The following ZDHHC5 variants were observed in gnomAD, a reference collection of about 807,000 sequenced individuals.
The protein encoded by ZDHHC5 is palmitoyltransferase ZDHHC5.
In ZDHHC5, 22 loss-of-function variants were observed where a neutral mutation model predicts 70.0. The ratio of observed to expected loss-of-function variants is 0.31; its 90% CI spans 0.22 to 0.45. The LOEUF (loss-of-function observed/expected upper bound fraction) is 0.45, where lower values mean the gene tolerates loss of function less well. ZDHHC5 is among the 20% of genes least tolerant of loss of function. The pLI is 1.00. For missense variants in ZDHHC5, 746 were observed against 926.9 expected (o/e 0.80, Z 2.53); for synonymous variants, 313 against 347.8 (o/e 0.90, Z 1.11).
intron 3 of ZDHHC5, among the ~76,000 whole-genome samples, chr11:57,683,851 A>G (rs1269577305): frequency 6.6e-6 from 1 of 152,216 alleles, no homozygotes; most frequent in African/African-American, 2.4e-5. Flanking sequence ...GAGGAGAAAT[A>G]GAACAAAGTG....
chr11:57,691,348 T>TTTTATTTA (rs918733185), intron 6 of ZDHHC5, among the ~76,000 whole-genome samples: 1 of 151,946 alleles, frequency 6.6e-6, no homozygotes, highest in Admixed American at 6.6e-5. Context: ...CTAAAATATC[T>TTTTATTTA]TTTATTTATT....
chr11:57,690,501 GTGTGCAGTGT>G (rs1469039642), intron 6 of ZDHHC5, 64 bp downstream of exon 6: 129 of 1,543,648 alleles, frequency 8.4e-5, no homozygotes, highest in Non-Finnish European at 1.1e-4. Flanking sequence ...CTTCTGATTA[GTGTGCAGTGT>G]AGTGCTTCCA....
rs145781238 is a variant in ZDHHC5, at chr11:57,699,013, G to C, written c.1577G>C (p.Arg526Pro). 1.9e-6 allele frequency: 3 copies of C among 1,609,260 alleles called. No individual in the cohort carries two copies. The highest frequency in any genetic ancestry group is 1.7e-6 in the Non-Finnish European group (2 of 1,180,006). The change falls in exon 11 of 12, where the codon CGA (arginine) becomes CCA (proline). Residue 526 changes from arginine to proline, a missense_variant. Arg to Pro is a moderately radical substitution (Grantham distance 103). This residue lies in a region of ZDHHC5 where 340 missense variants were observed against 350.1 expected (regional missense o/e 0.97). Transcript: ENST00000287169. ...PRLVPTGPTH[R>P]EPSPVRYDNL... ...TTGGTGCCAACTGGCCCAACACACCGAGAGCCCTCACCAGTCCGTTACGAC... is the reference window on the plus strand; with the variant it reads ...TTGGTGCCAACTGGCCCAACACACCCAGAGCCCTCACCAGTCCGTTACGAC...
intron 10 of ZDHHC5, among the ~76,000 whole-genome samples, chr11:57,697,392 A>G (rs547000185): frequency 1.1e-4 from 16 of 152,046 alleles, no homozygotes; most frequent in East Asian, 9.7e-4. Flanking sequence ...GAACCCAGGA[A>G]GCGGAGCTTG....
At chr11:57,695,846 A>G (rs1003482938) in intron 8 of ZDHHC5, 74 bp from the exon 9 acceptor site, 9 of 1,542,104 alleles carry the variant, frequency 5.8e-6, no homozygotes, top group African/African-American at 1.4e-5. Context: ...CCTCCCTCTT[A>G]TATCAATTTA....
rs140343860 is a variant in ZDHHC5 at position 57,696,024 on chromosome 11, C to T, written c.990C>T (p.Leu330=). Residue 330 remains leucine, a synonymous_variant, in exon 9 of 12, where the codon CTC becomes CTT. Coordinates refer to ENST00000287169, the MANE Select transcript of ZDHHC5 (RefSeq NM_015457.3). The part of the protein sequence containing the change: ...LSRYTGLRTH[L]GLATNEDSSL... The stretch of plus-strand genomic sequence containing the variant: ...GTTACACAGGGTTGCGAACACACCT[C>T]GGCTTGGCTACTAATGAGGGTAAGG... The T allele has an allele frequency of 5.1e-4, 826 of 1,613,372 alleles. 15 individuals are homozygous for T. The South Asian group carries it at 7.4e-3, about 15-fold the overall frequency.
At position 57,698,150 on chromosome 11, in the gene ZDHHC5, A is replaced by ACACAC. The variant is rs1565199239; in HGVS notation, c.1123-409_1123-408insCACAC. On this transcript the variant is annotated intron_variant, in intron 10 of 11. Coordinates refer to ENST00000287169, the MANE Select transcript of ZDHHC5 (RefSeq NM_015457.3). ...ACACACACACACACACACACACACAAACAAATGCCAACTGTTACGGGAAAA... is the reference window on the plus strand; with the variant it reads ...ACACACACACACACACACACACACAACACACACAAATGCCAACTGTTACGGGAAAA... Among the ~76,000 whole-genome samples the ACACAC allele has an allele frequency of 3.5e-3, 406 of 116,332 alleles. 2 individuals are homozygous for ACACAC. Among genetic ancestry groups the ACACAC allele is most frequent in the South Asian group, 0.011 (42 of 3,736 alleles). The allele number at this position is 116,332 out of a possible 152,430, so 76.3% of individuals were successfully genotyped here.
intron 2 of ZDHHC5, among the ~76,000 whole-genome samples, chr11:57,674,120 C>T (rs1946041165): frequency 6.6e-6 from 1 of 151,938 alleles, no homozygotes; most frequent in Admixed American, 6.6e-5. Flanking sequence ...CTAAAAGAGT[C>T]CCTTTATGTT....
At chr11:57,685,749 C>T (rs1237424913) in intron 3 of ZDHHC5, among the ~76,000 whole-genome samples, 1 of 152,040 alleles carries the variant, frequency 6.6e-6, no homozygotes, top group South Asian at 2.1e-4. Flanking sequence ...CACCGTGGGC[C>T]GGGTGCCGTG....
chr11:57,682,618 C>T, intron 3 of ZDHHC5, 75 bp downstream of exon 3: 3 of 1,517,118 alleles, frequency 2.0e-6, no homozygotes, highest in Non-Finnish European at 1.8e-6. Flanking sequence ...CACAGTTGAT[C>T]TTGGGCCTTA....
At chr11:57,681,999 A>G (rs559018823) in intron 2 of ZDHHC5, among the ~76,000 whole-genome samples, 10 of 152,322 alleles carry the variant, frequency 6.6e-5, no homozygotes, top group African/African-American at 9.6e-5. Context: ...CTTTGGGCCA[A>G]TGTGCAGGTC....
At chr11:57,680,965 T>A (rs534653951) in intron 2 of ZDHHC5, among the ~76,000 whole-genome samples, 3 of 152,334 alleles carry the variant, frequency 2.0e-5, no homozygotes, top group African/African-American at 7.2e-5. Context: ...TTATTTTGTC[T>A]GCTAATTGTG....
intron 6 of ZDHHC5, 31 bp downstream of exon 6, chr11:57,690,468 A>G (rs757384646): frequency 6.8e-6 from 11 of 1,610,108 alleles, no homozygotes; most frequent in Non-Finnish European, 8.5e-6. Flanking sequence ...AGACCCCTGA[A>G]GAGCAGGTCA....
intron 8 of ZDHHC5, among the ~76,000 whole-genome samples, chr11:57,695,434 A>G (rs1426370352): frequency 6.6e-6 from 1 of 151,912 alleles, no homozygotes; most frequent in African/African-American, 2.4e-5. Context: ...AAAAAAACCC[A>G]ACTTTTCTTC....
chr11:57,682,638 G>C lies in ZDHHC5; in HGVS notation c.226+95G>C, dbSNP rs184253804. On this transcript the variant is annotated intron_variant, in intron 3 of 11. Transcript: ENST00000287169. ...TTGATCTTGGGCCTTAAGAGTCCTG[G>C]GATTTTGGGATATGAAAAATAATGA... 2,344 of 1,411,994 alleles carry C rather than the reference G, an allele frequency of 1.7e-3. 14 individuals are homozygous for C. The Middle Eastern group carries it at 0.017, about 10-fold the overall frequency. The allele number at this position is 1,411,994 out of a possible 1,614,324, so 87.5% of individuals were successfully genotyped here. A position where few individuals can be genotyped will look rare whatever the true frequency, so the allele number is the denominator to read the frequency against.
In ZDHHC5 at chr11:57,672,961, A is replaced by C; in HGVS notation, c.-130A>C. 1.3e-6 allele frequency: 1 copy of C among 771,160 alleles called. No homozygotes were observed. Among genetic ancestry groups the C allele is most frequent in the East Asian group, 2.7e-5 (1 of 36,576 alleles). 47.8% of individuals were successfully genotyped at this position (771,160 alleles called of 1,614,324 possible). ...TTATTTGGGAGGGGGAAGGGTGATA[A>C]AGTTTTCTGTTTCCCTGGTTTTCTT... On this transcript the variant is annotated 5_prime_UTR_variant, in exon 2 of 12. Coordinates refer to ENST00000287169, the MANE Select transcript of ZDHHC5 (RefSeq NM_015457.3).
At chr11:57,697,965 C>G (rs572958519) in intron 10 of ZDHHC5, among the ~76,000 whole-genome samples, 1 of 151,002 alleles carries the variant, frequency 6.6e-6, no homozygotes, top group Non-Finnish European at 1.5e-5. Flanking sequence ...GAAACCCTGT[C>G]TCTACTAAAA....
intron 7 of ZDHHC5, 40 bp from the exon 8 acceptor site, chr11:57,693,743 C>T: frequency 2.0e-6 from 3 of 1,514,572 alleles, no homozygotes; most frequent in African/African-American, 2.8e-5. Context: ...AATGAAAGCT[C>T]TCTCGCTGTG....
At chr11:57,682,611 A>G in intron 3 of ZDHHC5, 68 bp downstream of exon 3, 2 of 1,546,030 alleles carry the variant, frequency 1.3e-6, no homozygotes. Context: ...GGCCATACAC[A>G]GTTGATCTTG....
Sources: allele counts gnomAD v4.1 joint callset (sites outside exome capture counted in the v4.1 genomes callset), GRCh38; gene constraint gnomAD v4.1.1; regional missense constraint gnomAD v4.1.1; transcripts MANE v1.5; gene names NCBI Gene and HGNC (gene_info 2026-07-23, HGNC 2026-07-21).